Variants in GLRA3 observed in about 807,000 individuals in gnomAD.
GLRA3 encodes the protein glycine receptor alpha 3.
GLRA3 carries 44 observed loss-of-function variants against 60.4 expected under a neutral mutation model. That is an observed-to-expected ratio of 0.73 (90% CI 0.57 to 0.94). The LOEUF is 0.94. GLRA3 is among the 40% of genes least tolerant of loss of function. The probability of loss-of-function intolerance (pLI) is 0.00; values close to 1 mark genes in which losing one functional copy is unlikely to be tolerated. For missense variants in GLRA3, 508 were observed against 564.6 expected (o/e 0.90, Z 1.02); for synonymous variants, 223 against 192.9 (o/e 1.16, Z -1.29).
chr4:174,818,120 G>T (rs1304254459), intron 1 of GLRA3, among the ~76,000 whole-genome samples: 1 of 152,098 alleles, frequency 6.6e-6, no homozygotes, highest in Non-Finnish European at 1.5e-5. Flanking sequence ...AAAGAATCAA[G>T]ATCTAATCCT....
intron 8 of GLRA3, among the ~76,000 whole-genome samples, 154 bp from the exon 9 acceptor site, chr4:174,656,941 A>G (rs969798557): frequency 6.6e-6 from 1 of 152,140 alleles, no homozygotes; most frequent in African/African-American, 2.4e-5. Context: ...CAAAGTATCT[A>G]CCCCAACATA....
chr4:174,639,733 G>C lies in GLRA3; in HGVS notation c.*4053C>G, dbSNP rs1056819740. ...TCACTATGTTTGTAAAGAGGAATGG[G>C]GGCTGAGATAAAAGTTTAATTTTAA... On this transcript the variant is annotated 3_prime_UTR_variant, in exon 10 of 10. Transcript: ENST00000274093. The C allele has an allele frequency of 2.6e-5, 4 of 151,970 alleles. No individual in the cohort carries two copies. Among genetic ancestry groups the C allele is most frequent in the African/African-American group, 9.7e-5 (4 of 41,386 alleles). 9.4% of individuals were successfully genotyped at this position (151,970 alleles called of 1,614,324 possible).
At chr4:174,743,436 C>T (rs1272812731) in intron 3 of GLRA3, among the ~76,000 whole-genome samples, 1 of 151,824 alleles carries the variant, frequency 6.6e-6, no homozygotes, top group Non-Finnish European at 1.5e-5. Flanking sequence ...ATCCTTAACA[C>T]TTTTTGAGAT....
In GLRA3 at chr4:174,643,315, A is replaced by T. The variant is rs1046021595; in HGVS notation, c.*471T>A. The T allele has an allele frequency of 1.5e-5, 9 of 602,258 alleles. No individual in the cohort carries two copies. Among genetic ancestry groups the T allele is most frequent in the Non-Finnish European group, 1.7e-5 (9 of 519,448 alleles). 37.3% of individuals were successfully genotyped at this position (602,258 alleles called of 1,614,324 possible). A position where few individuals can be genotyped will look rare whatever the true frequency, so the allele number is the denominator to read the frequency against. ...TACAATCCTCCATTAATATGAGTGAATTTCCCACTGTAACTAATTATTTTC... is the reference window on the plus strand; with the variant it reads ...TACAATCCTCCATTAATATGAGTGATTTTCCCACTGTAACTAATTATTTTC... On this transcript the variant is annotated 3_prime_UTR_variant, in exon 10 of 10. Transcript: ENST00000274093.
At position 174,640,240 on chromosome 4, in the gene GLRA3, T is replaced by G. The variant is rs1732594966; in HGVS notation, c.*3546A>C. 6.6e-6 allele frequency: 1 copy of G among 152,118 alleles called. No homozygotes were observed. Among genetic ancestry groups the G allele is most frequent in the South Asian group, 2.1e-4 (1 of 4,832 alleles). The allele number at this position is 152,118 out of a possible 1,614,324, so 9.4% of individuals were successfully genotyped here. On this transcript the variant is annotated 3_prime_UTR_variant, in exon 10 of 10. Coordinates refer to ENST00000274093, the MANE Select transcript of GLRA3 (RefSeq NM_006529.4). ...TACATTTTTGTTCTCAGAGTTTTGT[T>G]CTTAGAGTGTTCTAAATTTTTAGGG... is the stretch of plus-strand genomic sequence containing the variant.
intron 5 of GLRA3, among the ~76,000 whole-genome samples, chr4:174,709,348 C>A (rs896943286): frequency 6.6e-6 from 1 of 151,906 alleles, no homozygotes; most frequent in East Asian, 1.9e-4. Context: ...TTGCAGAATT[C>A]TCTGTGTGGT....
At chr4:174,780,105 A>T (rs1189917904) in intron 2 of GLRA3, among the ~76,000 whole-genome samples, 32 of 150,276 alleles carry the variant, frequency 2.1e-4, no homozygotes, top group Middle Eastern at 3.4e-3. Flanking sequence ...TCAGACTAAC[A>T]GTGGATCTCT....
chr4:174,637,192 A>G lies in GLRA3; in HGVS notation c.*6594T>C, dbSNP rs971579112. 6.6e-6 allele frequency: 1 copy of G among 152,176 alleles called. No homozygotes were observed. The highest frequency in any genetic ancestry group is 1.5e-5 in the Non-Finnish European group (1 of 68,016). 9.4% of individuals were successfully genotyped at this position (152,176 alleles called of 1,614,324 possible). On this transcript the variant is annotated 3_prime_UTR_variant, in exon 10 of 10. Coordinates refer to ENST00000274093, the MANE Select transcript of GLRA3 (RefSeq NM_006529.4). ...TCAAGAAGACAGAAAAATAATTTAC[A>G]CCATAAAAACCATAAAATAGCAATA...
At chr4:174,776,575 G>A (rs1738609673) in intron 2 of GLRA3, among the ~76,000 whole-genome samples, 1 of 152,058 alleles carries the variant, frequency 6.6e-6, no homozygotes, top group Non-Finnish European at 1.5e-5. Flanking sequence ...CGTAATGCCT[G>A]TGTTGTGAAA....
intron 3 of GLRA3, among the ~76,000 whole-genome samples, chr4:174,733,680 G>A (rs188256726): frequency 1.3e-5 from 2 of 152,304 alleles, no homozygotes; most frequent in East Asian, 3.9e-4. Flanking sequence ...TGCCCTGCCT[G>A]CCTTTGCAGA....
intron 3 of GLRA3, among the ~76,000 whole-genome samples, chr4:174,751,461 G>A (rs1228970966): frequency 3.3e-5 from 5 of 152,176 alleles, no homozygotes; most frequent in East Asian, 1.9e-4. Flanking sequence ...ATTAGTACAC[G>A]TGTTTGTGTG....
chr4:174,686,691 T>C (rs1734565371), intron 5 of GLRA3, among the ~76,000 whole-genome samples: 1 of 152,126 alleles, frequency 6.6e-6, no homozygotes, highest in African/African-American at 2.4e-5. Context: ...TAGGCCTCAT[T>C]TGAGCTGGAT....
chr4:174,681,751 G>A (rs1347968928), intron 6 of GLRA3, among the ~76,000 whole-genome samples: 2 of 152,124 alleles, frequency 1.3e-5, no homozygotes, highest in Non-Finnish European at 2.9e-5. Context: ...GGCAGCCCTA[G>A]AAAACTAATA....
intron 1 of GLRA3, among the ~76,000 whole-genome samples, chr4:174,816,094 G>C (rs1008328973): frequency 2.0e-5 from 3 of 152,206 alleles, no homozygotes; most frequent in African/African-American, 7.2e-5. Context: ...GATTCAGTGA[G>C]TATGTGGTGG....
chr4:174,674,555 A>G (rs542707832), intron 7 of GLRA3, among the ~76,000 whole-genome samples: 1 of 152,232 alleles, frequency 6.6e-6, no homozygotes, highest in Non-Finnish European at 1.5e-5. Flanking sequence ...ATTCTTTGAG[A>G]TTTCATTCTC....
intron 4 of GLRA3, among the ~76,000 whole-genome samples, chr4:174,718,150 T>C (rs1334009168): frequency 1.3e-5 from 2 of 152,232 alleles, no homozygotes; most frequent in African/African-American, 2.4e-5. Context: ...TTCTTTCTTT[T>C]TGTTTAAGGT....
At position 174,769,000 on chromosome 4, in the gene GLRA3, T is replaced by C. The variant is rs139298966; in HGVS notation, c.200-1970A>G. ...TAAGACTAATTTCTTTGTTTTTTTT[T>C]AAACTGAGCGTAATTTTTGAGTAAA... is the stretch of plus-strand genomic sequence containing the variant. On this transcript the variant is annotated intron_variant, in intron 2 of 9. Coordinates refer to ENST00000274093, the MANE Select transcript of GLRA3 (RefSeq NM_006529.4). Among the ~76,000 whole-genome samples, 590 of 152,224 alleles carry C rather than the reference T, an allele frequency of 3.9e-3. 4 individuals are homozygous for C. Among genetic ancestry groups the C allele is most frequent in the African/African-American group, 0.014 (570 of 41,548 alleles).
At chr4:174,674,521 T>G (rs1734037515) in intron 7 of GLRA3, among the ~76,000 whole-genome samples, 2 of 152,174 alleles carry the variant, frequency 1.3e-5, no homozygotes, top group Admixed American at 1.3e-4. Context: ...AGCTCTGTAG[T>G]TCTCTAGAAG....
intron 5 of GLRA3, among the ~76,000 whole-genome samples, chr4:174,703,448 C>T (rs1452726578): frequency 6.6e-6 from 1 of 152,124 alleles, no homozygotes; most frequent in East Asian, 1.9e-4. Flanking sequence ...ATTATTTTCT[C>T]TAAATTTTTA....
Sources: gnomAD v4.1 joint callset for allele counts (sites outside exome capture counted in the v4.1 genomes callset) on GRCh38, gnomAD v4.1.1 for gene constraint, MANE v1.5 for transcripts, NCBI Gene and HGNC (gene_info 2026-07-23, HGNC 2026-07-21) for gene names.